The following CNIH3 variants were observed in gnomAD, a reference collection of about 807,000 sequenced individuals.
CNIH3 encodes the protein cornichon family AMPA receptor auxiliary protein 3.
In CNIH3, 14 loss-of-function variants were observed where a neutral mutation model predicts 24.1. The observed-to-expected ratio is 0.58, with a 90% CI of 0.38 to 0.91. The LOEUF is 0.91. Among genes scored for constraint, CNIH3 ranks in the 40% least tolerant of loss-of-function variants. CNIH3 has a pLI of 0.00. For synonymous variants in CNIH3, 68 were observed against 73.8 expected (o/e 0.92, Z 0.40); for missense variants, 178 against 196.8 (o/e 0.90, Z 0.57).
At chr1:224,487,851 T>TA (rs1356071035) in intron 1 of CNIH3, among the ~76,000 whole-genome samples, 1 of 152,066 alleles carries the variant, frequency 6.6e-6, no homozygotes, top group African/African-American at 2.4e-5. Flanking sequence ...TAGGAAAGAG[T>TA]AAAAAACAGA....
At chr1:224,731,346 T>G (rs1438328990) in intron 4 of CNIH3, among the ~76,000 whole-genome samples, 1 of 152,200 alleles carries the variant, frequency 6.6e-6, no homozygotes, top group African/African-American at 2.4e-5. Flanking sequence ...TAGATTCTAT[T>G]CCCTGCTAAG....
chr1:224,552,902 C>T (rs1319975693), intron 3 of CNIH3, among the ~76,000 whole-genome samples: 1 of 150,680 alleles, frequency 6.6e-6, no homozygotes, highest in Non-Finnish European at 1.5e-5. Flanking sequence ...AATAATATCA[C>T]AGGATATACA....
chr1:224,576,062 T>C (rs1042074196), intron 4 of CNIH3, among the ~76,000 whole-genome samples: 2 of 152,188 alleles, frequency 1.3e-5, no homozygotes, highest in African/African-American at 4.8e-5. Context: ...GTAAGTTAAG[T>C]CTCTTAACTA....
intron 5 of CNIH3, among the ~76,000 whole-genome samples, chr1:224,585,199 T>G (rs1681447384): frequency 6.6e-6 from 1 of 152,306 alleles, no homozygotes; most frequent in South Asian, 2.1e-4. Flanking sequence ...TCATAATGCC[T>G]TCCTTGCCCG....
chr1:224,530,562 G>A (rs1679021755), intron 2 of CNIH3, among the ~76,000 whole-genome samples: 1 of 151,978 alleles, frequency 6.6e-6, no homozygotes, highest in African/African-American at 2.4e-5. Flanking sequence ...CTCTCAAGAT[G>A]CTGAGCTGGA....
intron 1 of CNIH3, among the ~76,000 whole-genome samples, chr1:224,451,279 C>A (rs1675387640): frequency 6.6e-6 from 1 of 152,202 alleles, no homozygotes; most frequent in Non-Finnish European, 1.5e-5. Context: ...TTTGTTCTGA[C>A]TCAGAATTAT....
chr1:224,439,951 G>A (rs557482583), intron 1 of CNIH3, among the ~76,000 whole-genome samples: 85 of 152,328 alleles, frequency 5.6e-4, no homozygotes, highest in African/African-American at 2.0e-3. Flanking sequence ...ACCACACCCG[G>A]CTAATTTTTT....
intron 3 of CNIH3, among the ~76,000 whole-genome samples, chr1:224,698,411 A>G (rs1289860381): frequency 6.6e-6 from 1 of 152,158 alleles, no homozygotes; most frequent in African/African-American, 2.4e-5. Context: ...TGGTGACATC[A>G]CTGCTGTTAC....
At chr1:224,512,406 G>T (rs115004356), upstream of CNIH3, among the ~76,000 whole-genome samples, 130 of 152,282 alleles carry the variant, frequency 8.5e-4, no homozygotes, top group African/African-American at 2.8e-3. Context: ...GTTGAGCCCA[G>T]GTGTTTGAGG....
chr1:224,475,522 A>G (rs1448697861), intron 1 of CNIH3, among the ~76,000 whole-genome samples: 1 of 152,204 alleles, frequency 6.6e-6, no homozygotes, highest in East Asian at 1.9e-4. Context: ...ACAACCTACC[A>G]AGACTGAACC....
chr1:224,649,298 C>T (rs995589983), intron 1 of CNIH3, among the ~76,000 whole-genome samples: 3 of 152,110 alleles, frequency 2.0e-5, no homozygotes, highest in Non-Finnish European at 4.4e-5. Flanking sequence ...CAGGAAATGC[C>T]GGTGGTCTCC....
chr1:224,457,511 ATTT>A (rs943521801), intron 1 of CNIH3, among the ~76,000 whole-genome samples: 11 of 111,188 alleles, frequency 9.9e-5, no homozygotes, highest in Admixed American at 9.4e-5. Flanking sequence ...TGGTCTGGGG[ATTT>A]TTTTTTTTTT....
intron 4 of CNIH3, 69 bp downstream of exon 4, chr1:224,730,643 G>A: frequency 1.1e-6 from 1 of 919,476 alleles, no homozygotes; most frequent in Non-Finnish European, 1.7e-6. Flanking sequence ...CAGTGATGAT[G>A]TCACCCAAAT....
chr1:224,526,659 C>T (rs1678859036), intron 2 of CNIH3, among the ~76,000 whole-genome samples: 1 of 152,142 alleles, frequency 6.6e-6, no homozygotes, highest in African/African-American at 2.4e-5. Context: ...TATAAGCTAC[C>T]TAGTCTAAGG....
intron 4 of CNIH3, among the ~76,000 whole-genome samples, chr1:224,580,912 A>T (rs1271427473): frequency 6.6e-6 from 1 of 152,190 alleles, no homozygotes; most frequent in Admixed American, 6.5e-5. Context: ...TAGAGAAAGC[A>T]GTCAAATATG....
chr1:224,736,441 CT>C (rs1689595884), intron 5 of CNIH3, among the ~76,000 whole-genome samples: 1 of 152,188 alleles, frequency 6.6e-6, no homozygotes, highest in African/African-American at 2.4e-5. Context: ...TAACTGCTGG[CT>C]ATCTTAGAAA....
At chr1:224,449,105 C>T (rs1041052113) in intron 1 of CNIH3, among the ~76,000 whole-genome samples, 4 of 151,766 alleles carry the variant, frequency 2.6e-5, no homozygotes, top group Non-Finnish European at 5.9e-5. Flanking sequence ...GCTGGGATTA[C>T]AGGTGCCTGC....
downstream of CNIH3, among the ~76,000 whole-genome samples, chr1:224,542,315 G>A (rs544830333): frequency 4.6e-5 from 7 of 152,248 alleles, no homozygotes; most frequent in African/African-American, 1.7e-4. Flanking sequence ...CCCTAGCAAC[G>A]ATTTTGTACT....
At chr1:224,497,537 C>T (rs1048701652) in intron 1 of CNIH3, among the ~76,000 whole-genome samples, 2 of 152,170 alleles carry the variant, frequency 1.3e-5, no homozygotes, top group South Asian at 2.1e-4. Flanking sequence ...AGTGATGTTT[C>T]CTAGGTTGCT....
Sources: gnomAD v4.1 joint callset for allele counts (sites outside exome capture counted in the v4.1 genomes callset) on GRCh38, gnomAD v4.1.1 for gene constraint, MANE v1.5 for transcripts, NCBI Gene and HGNC (gene_info 2026-07-23, HGNC 2026-07-21) for gene names.